Variants in NUP88 observed in about 807,000 individuals in gnomAD.
The protein encoded by NUP88 is nuclear pore complex protein Nup88.
Under a neutral mutation model 93.9 loss-of-function variants are expected in NUP88, and 57 were observed. That is an observed-to-expected ratio of 0.61 (90% CI 0.49 to 0.76). The LOEUF (loss-of-function observed/expected upper bound fraction) is 0.76. Among genes scored for constraint, NUP88 ranks in the 30% least tolerant of loss-of-function variants. NUP88 has a pLI of 0.00. For synonymous variants in NUP88, 346 were observed against 336.8 expected (o/e 1.03, Z -0.30); for missense variants, 911 against 901.0 (o/e 1.01, Z -0.14).
intron 2 of NUP88, among the ~76,000 whole-genome samples, chr17:5,414,604 A>G (rs1914029438): frequency 6.6e-6 from 1 of 152,216 alleles, no homozygotes; most frequent in Non-Finnish European, 1.5e-5. Flanking sequence ...ATATCAAAGA[A>G]TTGAAATAAA....
intron 5 of NUP88, among the ~76,000 whole-genome samples, 149 bp downstream of exon 5, chr17:5,408,580 TACTA>T (rs1315041871): frequency 1.3e-5 from 2 of 152,242 alleles, no homozygotes; most frequent in Non-Finnish European, 2.9e-5. Flanking sequence ...AAATGACCTG[TACTA>T]ACTCTTTCTC....
intron 9 of NUP88, among the ~76,000 whole-genome samples, chr17:5,392,093 C>T (rs140480355): frequency 2.0e-5 from 3 of 152,342 alleles, no homozygotes; most frequent in Non-Finnish European, 2.9e-5. Context: ...CAGCGTGTAT[C>T]TCTCTCAGTC....
intron 7 of NUP88, among the ~76,000 whole-genome samples, chr17:5,401,528 A>C (rs1913167235): frequency 6.6e-6 from 1 of 152,256 alleles, no homozygotes; most frequent in Non-Finnish European, 1.5e-5. Flanking sequence ...CTTTGTGGTT[A>C]GTGACTTTAT....
intron 13 of NUP88, 62 bp from the exon 14 acceptor site, chr17:5,387,528 G>A: frequency 6.3e-7 from 1 of 1,583,600 alleles, no homozygotes; most frequent in Non-Finnish European, 8.7e-7. Flanking sequence ...ACCACCTAAT[G>A]TGGCTCAGCA....
chr17:5,388,024 GCA>G (rs1912150531), intron 11 of NUP88, 120 bp from the exon 12 acceptor site: 1 of 1,032,108 alleles, frequency 9.7e-7, no homozygotes, highest in African/African-American at 1.6e-5. Flanking sequence ...TATTTGAGAT[GCA>G]GTCTCGCTCT....
intron 9 of NUP88, among the ~76,000 whole-genome samples, chr17:5,394,266 T>TAA (rs1422183810): frequency 6.6e-6 from 1 of 152,132 alleles, no homozygotes; most frequent in African/African-American, 2.4e-5. Context: ...GCATTACTTA[T>TAA]AAGCAGTGAG....
At chr17:5,387,209 T>A in intron 14 of NUP88, 99 bp from the exon 15 acceptor site, 2 of 1,405,192 alleles carry the variant, frequency 1.4e-6, no homozygotes, top group Non-Finnish European at 2.0e-6. Flanking sequence ...GTTTCTGAAG[T>A]AGGCCCCATA....
chr17:5,387,550 G>A, intron 13 of NUP88, 55 bp downstream of exon 13: 1 of 1,595,114 alleles, frequency 6.3e-7, no homozygotes, highest in African/African-American at 1.3e-5. Flanking sequence ...CTTAGGGTGA[G>A]AATATGGTTC....
chr17:5,403,964 TA>T, intron 7 of NUP88, 134 bp downstream of exon 7: 2 of 861,656 alleles, frequency 2.3e-6, no homozygotes, highest in Non-Finnish European at 3.5e-6. Context: ...CTATAGTGAC[TA>T]AAAAGCTAAA....
chr17:5,395,125 C>T (rs975066821), intron 8 of NUP88, 144 bp from the exon 9 acceptor site: 7 of 603,128 alleles, frequency 1.2e-5, no homozygotes, highest in South Asian at 7.9e-5. Context: ...CATAGGCATA[C>T]GCTTTCCCAG....
chr17:5,386,561 G>A lies in NUP88; in HGVS notation c.2162+147C>T, dbSNP rs1476004022. The A allele has an allele frequency of 2.1e-4, 146 of 695,236 alleles. 1 individual carries two copies. The Admixed American group carries it at 3.3e-3, about 16-fold the overall frequency. The allele number at this position is 695,236 out of a possible 1,614,324, so 43.1% of individuals were successfully genotyped here. A position where few individuals can be genotyped will look rare whatever the true frequency, so the allele number is the denominator to read the frequency against. On this transcript the variant is annotated intron_variant, in intron 16 of 16. Transcript: ENST00000573584. ...TCCTCCCACCATAGTCATTTCTTAA[G>A]TCCCTATGTATCATGTGGCTCTCAT...
intron 1 of NUP88, among the ~76,000 whole-genome samples, chr17:5,416,887 T>C (rs1914186132): frequency 6.6e-6 from 1 of 150,932 alleles, no homozygotes; most frequent in African/African-American, 2.4e-5. Context: ...TGGAGTGCAG[T>C]GGCAGCCCAC....
intron 11 of NUP88, chr17:5,388,319 A>ACT (rs3066057): frequency 0.48 from 74,390 of 153,634 alleles, 17,944 homozygotes; most frequent in East Asian, 0.84. Flanking sequence ...GACGAGTCTC[A>ACT]CTGTCGCCCA....
chr17:5,386,543 AC>A, intron 16 of NUP88, 164 bp downstream of exon 16: 1 of 628,604 alleles, frequency 1.6e-6, no homozygotes, highest in Non-Finnish European at 2.8e-6. Flanking sequence ...CAATCCTCCC[AC>A]CATAGTCATT....
intron 9 of NUP88, among the ~76,000 whole-genome samples, chr17:5,392,628 T>C (rs1422829877): frequency 4.6e-5 from 7 of 152,238 alleles, no homozygotes; most frequent in Non-Finnish European, 1.0e-4. Flanking sequence ...AGGGTTCCCA[T>C]GCGACCTTCC....
At chr17:5,389,766 ACT>A (rs1912289742) in intron 10 of NUP88, among the ~76,000 whole-genome samples, 1 of 111,472 alleles carries the variant, frequency 9.0e-6, no homozygotes, top group Non-Finnish European at 1.7e-5. Context: ...ACAGAGCAAG[ACT>A]CTGTCTCAAA....
chr17:5,417,526 T>G (rs1489204036), intron 1 of NUP88, among the ~76,000 whole-genome samples: 6 of 152,128 alleles, frequency 3.9e-5, no homozygotes, highest in Non-Finnish European at 8.8e-5. Flanking sequence ...AGCCCCTGCC[T>G]TGGAGCTTAC....
intron 3 of NUP88, among the ~76,000 whole-genome samples, chr17:5,412,667 TAC>T (rs1167464815): frequency 6.7e-6 from 1 of 149,934 alleles, no homozygotes; most frequent in African/African-American, 2.4e-5. Context: ...CCCCCCCACA[TAC>T]ACACACACAA....
rs1015091935 is a variant in NUP88 at position 5,388,853 on chromosome 17, T to C, written c.1592A>G (p.Lys531Arg). ...VLAETPDSFE[K>R]HIRSILQRSV... The stretch of plus-strand genomic sequence containing the variant: ...ACGTTGCAAAATGCTTCTAATATGC[T>C]TTTCAAAGGAATCTGGGGTTTCAGC... Residue 531 changes from lysine (K) to arginine (R), a missense_variant, in exon 11 of 17, where the codon AAG becomes AGG. By Grantham distance (26) the Lys-to-Arg change is conservative (BLOSUM62 2). Coordinates refer to ENST00000573584, the MANE Select transcript of NUP88 (RefSeq NM_002532.6). The C allele has an allele frequency of 1.2e-6, 2 of 1,613,970 alleles. No homozygotes were observed. Among genetic ancestry groups the C allele is most frequent in the African/African-American group, 2.7e-5 (2 of 74,910 alleles).
Sources: gnomAD v4.1 joint callset for allele counts (sites outside exome capture counted in the v4.1 genomes callset) on GRCh38, gnomAD v4.1.1 for gene constraint, MANE v1.5 for transcripts, NCBI Gene and HGNC (gene_info 2026-07-23, HGNC 2026-07-21) for gene names.